Variants in GALNT16 observed in about 807,000 individuals in gnomAD.
GALNT16 encodes the protein polypeptide N-acetylgalactosaminyltransferase 16.
A neutral mutation model predicts 76.1 loss-of-function variants in GALNT16; 40 were observed. The ratio of observed to expected loss-of-function variants is 0.53; its 90% CI spans 0.41 to 0.68. The LOEUF (loss-of-function observed/expected upper bound fraction) is 0.68, where lower values mean the gene tolerates loss of function less well. Among genes scored for constraint, GALNT16 ranks in the 30% least tolerant of loss-of-function variants. GALNT16 has a pLI of 0.00. For synonymous variants in GALNT16, 276 were observed against 285.2 expected, an observed-to-expected ratio of 0.97 and a Z score of 0.32; for missense variants, 621 against 731.9, an observed-to-expected ratio of 0.85 and a Z score of 1.75.
chr14:69,285,832 C>CT, intron 1 of GALNT16, among the ~76,000 whole-genome samples: 1 of 152,172 alleles, frequency 6.6e-6, no homozygotes, highest in East Asian at 1.9e-4. Flanking sequence ...TACATACCCC[C>CT]TACCCCTCAC....
At chr14:69,280,281 G>A (rs183545659) in intron 1 of GALNT16, among the ~76,000 whole-genome samples, 3 of 152,270 alleles carry the variant, frequency 2.0e-5, no homozygotes, top group Admixed American at 6.5e-5. Context: ...TCATATAAGT[G>A]GAATCCTGTA....
intron 2 of GALNT16, among the ~76,000 whole-genome samples, chr14:69,323,113 G>A (rs2045227743): frequency 6.6e-6 from 1 of 152,172 alleles, no homozygotes. Flanking sequence ...CCTGCAGGCT[G>A]TAGTGTCCGC....
chr14:69,320,060 A>C (rs935562778), intron 1 of GALNT16, among the ~76,000 whole-genome samples: 2 of 151,384 alleles, frequency 1.3e-5, no homozygotes, highest in Admixed American at 1.3e-4. Context: ...ACCTTGCCTT[A>C]GAGGTCTGGT....
chr14:69,322,925 G>GGGGGGTGTGTGTGTGT (rs797021875), intron 2 of GALNT16, among the ~76,000 whole-genome samples: 1 of 103,780 alleles, frequency 9.6e-6, no homozygotes, highest in African/African-American at 3.9e-5. Flanking sequence ...TGGCTCACGG[G>GGGGGGTGTGTGTGTGT]GTGTGTGTGT....
chr14:69,357,069 T>C (rs2045698788), downstream of GALNT16: 1 of 152,222 alleles, frequency 6.6e-6, no homozygotes, highest in Admixed American at 6.5e-5. Context: ...ATGACACAAA[T>C]GTAAACAAGA....
At chr14:69,330,839 A>G (rs923978415) in intron 6 of GALNT16, among the ~76,000 whole-genome samples, 6 of 152,264 alleles carry the variant, frequency 3.9e-5, no homozygotes, top group African/African-American at 1.2e-4. Flanking sequence ...AGCAAAATCA[A>G]CATTATTCAT....
chr14:69,270,175 G>A (rs1024432690), intron 1 of GALNT16, among the ~76,000 whole-genome samples: 5 of 152,146 alleles, frequency 3.3e-5, no homozygotes, highest in South Asian at 2.1e-4. Flanking sequence ...GAAGCCTGTC[G>A]GGGCCTTCCC....
intron 5 of GALNT16, 32 bp from the exon 6 acceptor site, chr14:69,328,418 C>G (rs767204698): frequency 1.2e-6 from 2 of 1,604,822 alleles, no homozygotes; most frequent in South Asian, 1.1e-5. Flanking sequence ...TGGCCCAGTC[C>G]CAGCGCCAAG....
chr14:69,339,572 A>G lies in GALNT16; in HGVS notation c.1140A>G (p.Gln380=), dbSNP rs770454952. 1.2e-6 allele frequency: 2 copies of G among 1,613,352 alleles called. No homozygotes were observed. Among genetic ancestry groups the G allele is most frequent in the Non-Finnish European group, 8.5e-7 (1 of 1,179,452 alleles). ...AAGTGTGGATGGATGAATACAAGCA[A>G]TACTACTATGAGGCCCGGCCCTCGG... ...TAEVWMDEYK[Q]YYYEARPSAI... The change falls in exon 11 of 15, where the codon CAA becomes CAG. Residue 380 remains glutamine, a synonymous_variant. Transcript: ENST00000448469.
chr14:69,339,395 T>G, intron 10 of GALNT16, 132 bp from the exon 11 acceptor site: 1 of 706,194 alleles, frequency 1.4e-6, no homozygotes, highest in South Asian at 1.6e-5. Context: ...CGTGCTAATC[T>G]ATACCATCCA....
At chr14:69,303,229 A>G (rs1476826596) in intron 1 of GALNT16, among the ~76,000 whole-genome samples, 1 of 152,202 alleles carries the variant, frequency 6.6e-6, no homozygotes, top group Non-Finnish European at 1.5e-5. Flanking sequence ...TTTGCTCGTC[A>G]TTCTGCCTCA....
intron 2 of GALNT16, among the ~76,000 whole-genome samples, chr14:69,323,862 T>G (rs2045239135): frequency 6.6e-6 from 1 of 152,126 alleles, no homozygotes; most frequent in Admixed American, 6.5e-5. Context: ...ACTGGTGGAA[T>G]AGTCAGAGAG....
intron 1 of GALNT16, among the ~76,000 whole-genome samples, chr14:69,278,376 A>C (rs941796333): frequency 6.6e-6 from 1 of 152,186 alleles, no homozygotes; most frequent in Admixed American, 6.5e-5. Flanking sequence ...AAGGAAATAA[A>C]AATCACCCCA....
intron 1 of GALNT16, among the ~76,000 whole-genome samples, chr14:69,280,218 T>C (rs561958503): frequency 6.6e-6 from 1 of 152,072 alleles, no homozygotes; most frequent in South Asian, 2.1e-4. Context: ...CCCTAGCCCT[T>C]GGAGGCTACT....
the GALNT16 span, chr14:69,380,023 T>G: frequency 6.6e-6 from 1 of 152,156 alleles, no homozygotes; most frequent in African/African-American, 2.4e-5. Context: ...TTTCTTCAAA[T>G]TCTTTGTGTA....
intron 1 of GALNT16, among the ~76,000 whole-genome samples, chr14:69,305,181 T>C (rs2044914799): frequency 1.3e-5 from 2 of 151,230 alleles, no homozygotes; most frequent in Non-Finnish European, 3.0e-5. Context: ...TTTTTTTTTT[T>C]TTTTTGAGAG....
At chr14:69,318,459 G>A (rs570024759) in intron 1 of GALNT16, among the ~76,000 whole-genome samples, 5 of 152,226 alleles carry the variant, frequency 3.3e-5, no homozygotes, top group South Asian at 4.2e-4. Context: ...CATAGGAGGC[G>A]CTTGGTGGAG....
chr14:69,379,909 G>A, the GALNT16 span, among the ~76,000 whole-genome samples: 851 of 152,270 alleles, frequency 5.6e-3, 6 homozygotes, highest in Admixed American at 9.4e-3. Context: ...TCAATAGTAG[G>A]TACAAACCTT....
intron 1 of GALNT16, among the ~76,000 whole-genome samples, chr14:69,270,524 T>C (rs2044394332): frequency 1.3e-5 from 2 of 152,252 alleles, no homozygotes; most frequent in African/African-American, 4.8e-5. Flanking sequence ...ACAGCAGCTC[T>C]GCCTGTAGCT....
Sources: gnomAD v4.1 joint callset for allele counts (sites outside exome capture counted in the v4.1 genomes callset) on GRCh38, gnomAD v4.1.1 for gene constraint, MANE v1.5 for transcripts, NCBI Gene and HGNC (gene_info 2026-07-23, HGNC 2026-07-21) for gene names.